CCDC169: variants seen among roughly 807,000 people sequenced by gnomAD.
The protein encoded by CCDC169 is coiled-coil domain containing 169.
In CCDC169, 30 loss-of-function variants were observed where a neutral mutation model predicts 36.0. That is an observed-to-expected ratio of 0.83 (90% CI 0.62 to 1.13). The LOEUF is 1.13. Among genes scored for constraint, CCDC169 ranks in the 50% most tolerant of loss-of-function variants. CCDC169 has a pLI of 0.00. For missense variants in CCDC169, 245 were observed against 245.9 expected, an observed-to-expected ratio of 1.00 and a Z score of 0.03; for synonymous variants, 85 against 81.5, an observed-to-expected ratio of 1.04 and a Z score of -0.23.
chr13:36,276,520 T>A (rs1466345341), intron 4 of CCDC169, among the ~76,000 whole-genome samples: 7 of 152,298 alleles, frequency 4.6e-5, no homozygotes, highest in Admixed American at 1.3e-4. Flanking sequence ...TCTCCCCCAT[T>A]CTTTTCACCA....
At chr13:36,287,028 T>C (rs1250786095) in intron 2 of CCDC169, among the ~76,000 whole-genome samples, 2 of 152,210 alleles carry the variant, frequency 1.3e-5, no homozygotes, top group African/African-American at 4.8e-5. Context: ...TGTCATCCTC[T>C]TTGGGACTGC....
chr13:36,290,462 T>C (rs1479782445), intron 2 of CCDC169, among the ~76,000 whole-genome samples: 1 of 152,116 alleles, frequency 6.6e-6, no homozygotes. Flanking sequence ...CTGCTAATAC[T>C]TTACATTTTT....
chr13:36,292,993 T>C (rs1290258677), intron 2 of CCDC169, among the ~76,000 whole-genome samples: 1 of 152,176 alleles, frequency 6.6e-6, no homozygotes, highest in Admixed American at 6.6e-5. Flanking sequence ...GTAGCTCTGT[T>C]GGTAGAAACA....
intron 7 of CCDC169, among the ~76,000 whole-genome samples, chr13:36,239,710 T>C (rs1301736028): frequency 3.3e-5 from 5 of 152,318 alleles, no homozygotes; most frequent in Admixed American, 6.5e-5. Context: ...TGAGAGTGGT[T>C]ACTTATATAA....
chr13:36,297,500 A>C (rs1879670704), intron 1 of CCDC169, 137 bp downstream of exon 1: 1 of 760,550 alleles, frequency 1.3e-6, no homozygotes. Context: ...ATACTTTTGG[A>C]ACCCAGACCG....
chr13:36,291,867 A>C (rs988132808), intron 2 of CCDC169, among the ~76,000 whole-genome samples: 81 of 152,274 alleles, frequency 5.3e-4, no homozygotes, highest in African/African-American at 1.9e-3. Flanking sequence ...AAAAAAATAT[A>C]TTGGATTTAT....
intron 7 of CCDC169, among the ~76,000 whole-genome samples, chr13:36,231,774 T>C (rs1870459144): frequency 1.3e-5 from 2 of 152,234 alleles, no homozygotes; most frequent in African/African-American, 4.8e-5. Flanking sequence ...CTTTCTCTAT[T>C]AAGTCTAACA....
At chr13:36,231,729 G>T (rs1870453874) in intron 7 of CCDC169, among the ~76,000 whole-genome samples, 1 of 152,106 alleles carries the variant, frequency 6.6e-6, no homozygotes, top group Non-Finnish European at 1.5e-5. Flanking sequence ...TTTCTTAGGG[G>T]GTGATGGCAG....
downstream of CCDC169, chr13:36,226,878 C>T: frequency 2.8e-6 from 1 of 361,052 alleles, no homozygotes; most frequent in East Asian, 4.0e-5. Context: ...ATTATTTGTG[C>T]CCCAAATCTC....
intron 4 of CCDC169, chr13:36,282,336 C>A: frequency 1.1e-6 from 1 of 951,394 alleles, no homozygotes; most frequent in Non-Finnish European, 1.3e-6. Context: ...TTCTTTATAT[C>A]AAAGAATAAG....
At chr13:36,264,460 C>G (rs1410630) in intron 4 of CCDC169, among the ~76,000 whole-genome samples, 1 of 151,562 alleles carries the variant, frequency 6.6e-6, no homozygotes, top group Non-Finnish European at 1.5e-5. Context: ...TAGGGAAGGA[C>G]CTGGATAAAG....
At chr13:36,231,875 TG>T (rs372109449) in intron 7 of CCDC169, among the ~76,000 whole-genome samples, 10 of 152,274 alleles carry the variant, frequency 6.6e-5, no homozygotes, top group South Asian at 2.1e-4. Context: ...ATTGTAATTT[TG>T]TTTTGAAAAC....
chr13:36,248,786 T>C (rs1872792746), intron 6 of CCDC169, 104 bp from the exon 7 acceptor site: 3 of 978,626 alleles, frequency 3.1e-6, no homozygotes, highest in Admixed American at 4.4e-5. Context: ...CCAGGTTCTT[T>C]TGCAGCATGT....
At chr13:36,236,504 T>C (rs1454967500) in intron 7 of CCDC169, among the ~76,000 whole-genome samples, 1 of 151,862 alleles carries the variant, frequency 6.6e-6, no homozygotes, top group Non-Finnish European at 1.5e-5. Flanking sequence ...GAACTCAAAA[T>C]GGGTGAAAAG....
chr13:36,296,656 G>A (rs1879530321), intron 1 of CCDC169, among the ~76,000 whole-genome samples: 1 of 152,150 alleles, frequency 6.6e-6, no homozygotes, highest in African/African-American at 2.4e-5. Context: ...TTATGTTCAA[G>A]GCATTGTATT....
chr13:36,289,144 A>C (rs1878583303), intron 2 of CCDC169, among the ~76,000 whole-genome samples: 2 of 152,206 alleles, frequency 1.3e-5, no homozygotes, highest in Non-Finnish European at 2.9e-5. Context: ...ATAAAATTAC[A>C]AGAGATTTTT....
rs371880883 is a variant in CCDC169 at position 36,244,065 on chromosome 13, A to T, written c.545+4541T>A. ...CAGAGGTAATATATTTTTAGAACAG[A>T]TATGAATTGGAAAATAAACCTGAAC... On this transcript the variant is annotated intron_variant, in intron 7 of 7. Coordinates refer to ENST00000239859, the MANE Select transcript of CCDC169 (RefSeq NM_001144981.3). Among the ~76,000 whole-genome samples the T allele has an allele frequency of 1.3e-4, 20 of 152,356 alleles. No homozygotes were observed. The South Asian group carries it at 3.3e-3, about 25-fold the overall frequency.
intron 2 of CCDC169, among the ~76,000 whole-genome samples, chr13:36,288,260 C>T (rs577033297): frequency 5.3e-5 from 8 of 152,204 alleles, no homozygotes; most frequent in South Asian, 4.2e-4. Context: ...ATTATCCGCC[C>T]GCCGCAGCCT....
chr13:36,267,835 A>AT (rs1875530639), intron 4 of CCDC169, among the ~76,000 whole-genome samples: 1 of 152,192 alleles, frequency 6.6e-6, no homozygotes. Context: ...CTTCAAAGCA[A>AT]TAACACATTA....
Sources: gnomAD v4.1 joint callset for allele counts (sites outside exome capture counted in the v4.1 genomes callset) on GRCh38, gnomAD v4.1.1 for gene constraint, MANE v1.5 for transcripts, NCBI Gene and HGNC (gene_info 2026-07-23, HGNC 2026-07-21) for gene names.